Variants in CSNK2A1 observed in about 807,000 individuals in gnomAD.
CSNK2A1 encodes casein kinase II subunit alpha.
In CSNK2A1, 10 loss-of-function variants were observed where a neutral mutation model predicts 62.9. The ratio of observed to expected loss-of-function variants is 0.16; its 90% CI spans 0.10 to 0.27. The LOEUF (loss-of-function observed/expected upper bound fraction) is 0.27, where lower values mean the gene tolerates loss of function less well. Ranked by LOEUF, CSNK2A1 falls within the 10% of genes least tolerant of loss-of-function variation. The pLI is 1.00. For synonymous variants in CSNK2A1, 124 were observed against 167.8 expected (o/e 0.74, Z 2.02); for missense variants, 160 against 492.0 (o/e 0.33, Z 6.38).
At chr20:491,907 G>C (rs1255033211) in intron 9 of CSNK2A1, among the ~76,000 whole-genome samples, 1 of 152,218 alleles carries the variant, frequency 6.6e-6, no homozygotes, top group East Asian at 1.9e-4. Flanking sequence ...CTGGGCGACA[G>C]AGTGAGACTC....
rs181498765 is a variant in CSNK2A1, at chr20:526,141, T to C, written c.-110+1792A>G. Among the ~76,000 whole-genome samples the C allele has an allele frequency of 1.5e-3, 233 of 151,752 alleles. 3 individuals carry two copies. The highest frequency in any genetic ancestry group is 0.012 in the Admixed American group (186 of 15,276). Reference sequence around the variant, plus strand: ...ACGGGAAAAGCAGCAATCAAAGAAATATGAAACAAAGAGGATCCACAATAC... The same window carrying C: ...ACGGGAAAAGCAGCAATCAAAGAAACATGAAACAAAGAGGATCCACAATAC... On this transcript the variant is annotated intron_variant, in intron 2 of 13. Coordinates refer to ENST00000217244, the MANE Select transcript of CSNK2A1 (RefSeq NM_177559.3).
intron 2 of CSNK2A1, among the ~76,000 whole-genome samples, chr20:520,666 A>G (rs1018061013): frequency 2.6e-5 from 4 of 152,068 alleles, no homozygotes; most frequent in Admixed American, 2.6e-4. Flanking sequence ...TGCCCTGCTA[A>G]TTTTTGTATT....
chr20:494,387 T>C (rs2018303013), intron 8 of CSNK2A1: 1 of 152,214 alleles, frequency 6.6e-6, no homozygotes, highest in Non-Finnish European at 1.5e-5. Context: ...TGTGTGGACC[T>C]AAGATTTTGT....
In CSNK2A1 at chr20:536,738, C is replaced by A. The variant is rs144898986; in HGVS notation, c.-227+6934G>T. Among the ~76,000 whole-genome samples the A allele has an allele frequency of 9.1e-4, 138 of 152,254 alleles. 1 individual carries two copies. Among genetic ancestry groups the A allele is most frequent in the Non-Finnish European group, 1.7e-3 (115 of 68,012 alleles). ...TAGGAGTTATTATAAGAAAACACCT[C>A]CAAAATCTACTAAGTTGTGGTATGA... On this transcript the variant is annotated intron_variant, in intron 1 of 13. Transcript: ENST00000217244.
intron 12 of CSNK2A1, chr20:486,966 A>G (rs1231978053): frequency 5.5e-6 from 1 of 181,472 alleles, no homozygotes; most frequent in Non-Finnish European, 1.2e-5. Context: ...GAAAAATGTC[A>G]TGTTGCAGCT....
At chr20:514,281 T>A (rs1282881275) in intron 2 of CSNK2A1, among the ~76,000 whole-genome samples, 2 of 151,662 alleles carry the variant, frequency 1.3e-5, no homozygotes, top group East Asian at 1.9e-4. Context: ...GAGGTCAAGG[T>A]TGCAGTGAGC....
At position 505,383 on chromosome 20, in the gene CSNK2A1, G is replaced by A. The variant is rs1464872083; in HGVS notation, c.102-154C>T. 1.4e-5 allele frequency: 8 copies of A among 557,590 alleles called. No individual in the cohort carries two copies. In the African/African-American group the frequency reaches 1.9e-4, roughly 13 times the overall value. The allele number at this position is 557,590 out of a possible 1,614,324, so 34.5% of individuals were successfully genotyped here. On this transcript the variant is annotated intron_variant, in intron 3 of 13. Transcript: ENST00000217244. ...TTTTTTTTTTTTTTTTTTTGGAGAT[G>A]GAGTCTCACTCTGTCGCCCAGGCTA...
chr20:503,219 C>T (rs750355949), intron 4 of CSNK2A1: 9 of 338,414 alleles, frequency 2.7e-5, no homozygotes, highest in Admixed American at 4.8e-5. Context: ...ATCATAGATC[C>T]GTGCAACCTT....
At chr20:524,088 A>T (rs976645708) in intron 2 of CSNK2A1, among the ~76,000 whole-genome samples, 4 of 151,854 alleles carry the variant, frequency 2.6e-5, no homozygotes, top group Non-Finnish European at 5.9e-5. Flanking sequence ...TTAAAAAAAA[A>T]TTTAAAAAAA....
intron 12 of CSNK2A1, chr20:487,187 G>T: frequency 1.8e-6 from 1 of 559,916 alleles, no homozygotes. Context: ...ACTGAGAAGT[G>T]TCATCCTCAC....
At chr20:504,876 C>T (rs943994139) in intron 4 of CSNK2A1, 5 of 441,552 alleles carry the variant, frequency 1.1e-5, no homozygotes, top group African/African-American at 2.0e-5. Context: ...AGAGACTGTA[C>T]CTTTGCTCCC....
chr20:512,623 T>G (rs1272957814), intron 2 of CSNK2A1, among the ~76,000 whole-genome samples: 1 of 152,166 alleles, frequency 6.6e-6, no homozygotes, highest in Non-Finnish European at 1.5e-5. Context: ...TTAATGACAT[T>G]CCACTCCAAA....
Position 475,847 on chromosome 20 carries a change from T to A in CSNK2A1, c.*8114A>T, listed in dbSNP as rs1363127908. 3 of 152,214 alleles carry A rather than the reference T, an allele frequency of 2.0e-5. No homozygotes were observed. Among genetic ancestry groups the A allele is most frequent in the East Asian group, 3.8e-4 (2 of 5,200 alleles). The allele number at this position is 152,214 out of a possible 1,614,324, so 9.4% of individuals were successfully genotyped here. On this transcript the variant is annotated 3_prime_UTR_variant, in exon 14 of 14. Coordinates refer to ENST00000217244, the MANE Select transcript of CSNK2A1 (RefSeq NM_177559.3). ...CGCCCTGAGTAGCTGCTGCAACTTCTGCCACATTGGGCAAACCTGAATCCA... is the reference window on the plus strand; with the variant it reads ...CGCCCTGAGTAGCTGCTGCAACTTCAGCCACATTGGGCAAACCTGAATCCA...
At chr20:506,982 G>C (rs916429068) in intron 3 of CSNK2A1, 1 of 152,172 alleles carries the variant, frequency 6.6e-6, no homozygotes, top group Non-Finnish European at 1.5e-5. Flanking sequence ...GAGGAGAATT[G>C]TTAGATTATC....
chr20:492,178 G>T, intron 9 of CSNK2A1, 76 bp downstream of exon 9: 3 of 1,268,254 alleles, frequency 2.4e-6, no homozygotes, highest in South Asian at 1.3e-5. Flanking sequence ...TGCACAAAAT[G>T]ATACTTTTTT....
rs149375217 is a variant in CSNK2A1, at chr20:498,989, G to C, written c.366+266C>G. The C allele has an allele frequency of 1.5e-3, 368 of 245,596 alleles. 2 individuals are homozygous for C. The highest frequency in any genetic ancestry group is 2.4e-3 in the Non-Finnish European group (303 of 127,226). The allele number at this position is 245,596 out of a possible 1,614,324, so 15.2% of individuals were successfully genotyped here. On this transcript the variant is annotated intron_variant, in intron 6 of 13. Coordinates refer to ENST00000217244, the MANE Select transcript of CSNK2A1 (RefSeq NM_177559.3). ...TGAACGTGTGTTACTGCCTTCATTA[G>C]GTTGGACATCAGCAGAAACTGTCAA...
intron 1 of CSNK2A1, among the ~76,000 whole-genome samples, chr20:542,310 C>G (rs2122147705): frequency 6.6e-6 from 1 of 152,350 alleles, no homozygotes; most frequent in South Asian, 2.1e-4. Flanking sequence ...TTAGGTCACA[C>G]AGCTAAGTAG....
At chr20:526,546 G>C (rs891614876) in intron 2 of CSNK2A1, 2 of 152,158 alleles carry the variant, frequency 1.3e-5, no homozygotes, top group African/African-American at 4.8e-5. Flanking sequence ...AGGAGTTTGA[G>C]GCTGCAGTGA....
intron 2 of CSNK2A1, among the ~76,000 whole-genome samples, chr20:523,522 A>G (rs1041100354): frequency 2.6e-5 from 4 of 152,268 alleles, no homozygotes; most frequent in African/African-American, 4.8e-5. Flanking sequence ...CAGAGGCAGT[A>G]TGCTGAATGA....
Sources: gnomAD v4.1 joint callset for allele counts (sites outside exome capture counted in the v4.1 genomes callset) on GRCh38, gnomAD v4.1.1 for gene constraint, MANE v1.5 for transcripts, NCBI Gene and HGNC (gene_info 2026-07-23, HGNC 2026-07-21) for gene names.